ALK: variants seen among roughly 807,000 people sequenced by gnomAD.
ALK encodes ALK receptor tyrosine kinase, also known as ALK tyrosine kinase receptor.
ALK carries 74 observed loss-of-function variants against 163.1 expected under a neutral mutation model. The observed-to-expected ratio is 0.45, with a 90% CI of 0.38 to 0.55. The LOEUF is 0.55. ALK is among the 20% of genes least tolerant of loss of function. The pLI, the probability that ALK is intolerant of heterozygous loss-of-function variation, is 0.00. For missense variants in ALK, 2,063 were observed against 2,105.3 expected (o/e 0.98, Z 0.39); for synonymous variants, 960 against 843.2 (o/e 1.14, Z -2.40).
chr2:29,477,181 G>A (rs1053789051), intron 4 of ALK, among the ~76,000 whole-genome samples: 1 of 152,080 alleles, frequency 6.6e-6, no homozygotes, highest in African/African-American at 2.4e-5. Context: ...TTCCTGGGGT[G>A]GAAGGTCTGA....
intron 3 of ALK, among the ~76,000 whole-genome samples, chr2:29,590,688 C>T: frequency 6.6e-6 from 1 of 152,094 alleles, no homozygotes; most frequent in East Asian, 1.9e-4. Context: ...ATTTTCCATC[C>T]TCTTACCCCC....
chr2:29,741,778 T>A (rs751291639), intron 1 of ALK, among the ~76,000 whole-genome samples: 5 of 152,150 alleles, frequency 3.3e-5, no homozygotes, highest in Admixed American at 3.3e-4. Flanking sequence ...CTGGGGCAAG[T>A]TGAAGGTGCC....
At chr2:29,695,684 C>G (rs181889722) in intron 2 of ALK, among the ~76,000 whole-genome samples, 72 of 152,070 alleles carry the variant, frequency 4.7e-4, no homozygotes, top group African/African-American at 1.6e-3. Flanking sequence ...AACAAACAAC[C>G]CCATCAAAAA....
At chr2:29,376,958 C>T (rs1323584195) in intron 5 of ALK, among the ~76,000 whole-genome samples, 1 of 152,170 alleles carries the variant, frequency 6.6e-6, no homozygotes, top group Non-Finnish European at 1.5e-5. Context: ...CAGGATGCTA[C>T]CCATTTTTTC....
intron 4 of ALK, among the ~76,000 whole-genome samples, chr2:29,509,917 G>A (rs531743397): frequency 6.6e-6 from 1 of 152,244 alleles, no homozygotes; most frequent in South Asian, 2.1e-4. Context: ...TGATCTGTTT[G>A]TGGTTCAGGT....
chr2:29,267,519 C>A (rs1045005461), intron 11 of ALK, among the ~76,000 whole-genome samples: 6 of 152,152 alleles, frequency 3.9e-5, no homozygotes, highest in African/African-American at 1.4e-4. Context: ...TGTGTAAGCA[C>A]CCAGCAGGGA....
At position 29,222,625 on chromosome 2, in the gene ALK, CAA is replaced by C. The variant is rs1452277784; in HGVS notation, c.3360-20_3360-19del. 3.1e-6 allele frequency: 5 copies of C among 1,609,964 alleles called. No homozygotes were observed. In the East Asian group the frequency reaches 6.7e-5, roughly 22 times the overall value. On this transcript the variant is annotated intron_variant, in intron 20 of 28. Coordinates refer to ENST00000389048, the MANE Select transcript of ALK (RefSeq NM_004304.5). Reference sequence around the variant, plus strand: ...CCAGACCCCTGTGCAAAGGAGAAGACAAGAGGAGACAGAGTCAAACAGGCCAC... The same window carrying C: ...CCAGACCCCTGTGCAAAGGAGAAGACGAGGAGACAGAGTCAAACAGGCCAC...
At chr2:29,322,949 A>C (rs948917289) in intron 6 of ALK, among the ~76,000 whole-genome samples, 6 of 152,230 alleles carry the variant, frequency 3.9e-5, no homozygotes, top group African/African-American at 1.4e-4. Context: ...GGAGATGCAC[A>C]GTACGTCACT....
In ALK at chr2:29,709,475, A is replaced by C. The variant is rs538905887; in HGVS notation, c.787+8103T>G. Among the ~76,000 whole-genome samples, 3 of 152,342 alleles carry C rather than the reference A, an allele frequency of 2.0e-5. No individual in the cohort carries two copies. In the South Asian group the frequency reaches 6.2e-4, roughly 32 times the overall value. The stretch of plus-strand genomic sequence containing the variant: ...CTTCTATTGAGTACACAATGAGTAC[A>C]CAACATGAGAGAAGTACTAGGTGTG... On this transcript the variant is annotated intron_variant, in intron 2 of 28. Coordinates refer to ENST00000389048, the MANE Select transcript of ALK (RefSeq NM_004304.5).
At chr2:29,433,031 A>C (rs1670311010) in intron 4 of ALK, among the ~76,000 whole-genome samples, 1 of 152,198 alleles carries the variant, frequency 6.6e-6, no homozygotes, top group Non-Finnish European at 1.5e-5. Flanking sequence ...ATTTCACACA[A>C]TTAACAAAAA....
intron 4 of ALK, among the ~76,000 whole-genome samples, chr2:29,429,759 C>T (rs940977119): frequency 3.9e-5 from 6 of 151,930 alleles, no homozygotes; most frequent in Admixed American, 3.3e-4. Context: ...TTTCGAGGGA[C>T]CCCAAATAGC....
chr2:29,530,039 A>T (rs1187857957), intron 4 of ALK, among the ~76,000 whole-genome samples: 1 of 147,718 alleles, frequency 6.8e-6, no homozygotes, highest in African/African-American at 2.5e-5. Context: ...GTCTTGAAGG[A>T]TCAAATAATC....
intron 11 of ALK, among the ~76,000 whole-genome samples, chr2:29,253,872 ATAGATAGATAGATAGATAGATAGG>A (rs1238893966): frequency 2.4e-4 from 37 of 152,036 alleles, no homozygotes; most frequent in African/African-American, 8.5e-4. Context: ...AGATAGATAG[ATAGATAGATAGATAGATAGATAGG>A]TAGATAGCTG....
At chr2:29,669,347 A>G (rs930165949) in intron 3 of ALK, among the ~76,000 whole-genome samples, 1 of 152,016 alleles carries the variant, frequency 6.6e-6, no homozygotes, top group Admixed American at 6.6e-5. Context: ...TACTTTATAT[A>G]GTAAGTTATT....
At chr2:29,678,693 A>ATTAAATTTAAATTTAATTTTAATTTTAC (rs1558438469) in intron 3 of ALK, among the ~76,000 whole-genome samples, 12 of 151,226 alleles carry the variant, frequency 7.9e-5, no homozygotes, top group African/African-American at 2.7e-4. Context: ...TTTAATTTTA[A>ATTAAATTTAAATTTAATTTTAATTTTAC]TTAAATTTAA....
rs751933552 is a variant in ALK, at chr2:29,492,568, G to C, written c.1154+39347C>G. ...CCAGGGCCTAGCTGTTTCTGCACACGGTCAGTAGGTGTTTAGCCCAAGTTT... is the reference window on the plus strand; with the variant it reads ...CCAGGGCCTAGCTGTTTCTGCACACCGTCAGTAGGTGTTTAGCCCAAGTTT... On this transcript the variant is annotated intron_variant, in intron 4 of 28. Coordinates refer to ENST00000389048, the MANE Select transcript of ALK (RefSeq NM_004304.5). Among the ~76,000 whole-genome samples, 92 of 152,238 alleles carry C rather than the reference G, an allele frequency of 6.0e-4. No homozygotes were observed. The Middle Eastern group carries it at 0.01, about 17-fold the overall frequency.
chr2:29,249,441 G>A (rs1458205937), intron 12 of ALK, among the ~76,000 whole-genome samples: 1 of 152,156 alleles, frequency 6.6e-6, no homozygotes, highest in Non-Finnish European at 1.5e-5. Context: ...CAGGAGGTGG[G>A]TGGTGGGTGA....
chr2:29,729,351 G>C (rs748492475), intron 1 of ALK, among the ~76,000 whole-genome samples: 2 of 152,180 alleles, frequency 1.3e-5, no homozygotes, highest in African/African-American at 2.4e-5. Context: ...GAGAAAAGAA[G>C]AGAGAGGAAG....
At chr2:29,280,743 A>T (rs1665694357) in intron 9 of ALK, among the ~76,000 whole-genome samples, 1 of 146,562 alleles carries the variant, frequency 6.8e-6, no homozygotes, top group African/African-American at 2.6e-5. Flanking sequence ...TATCAGGTGG[A>T]CCCTCTTGGA....
Sources: gnomAD v4.1 joint callset for allele counts (sites outside exome capture counted in the v4.1 genomes callset) on GRCh38, gnomAD v4.1.1 for gene constraint, MANE v1.5 for transcripts, NCBI Gene and HGNC (gene_info 2026-07-23, HGNC 2026-07-21) for gene names.